DNTT: variants seen among roughly 807,000 people sequenced by gnomAD.
DNTT encodes the protein nucleosidetriphosphate:DNA deoxynucleotidylexotransferase.
Under a neutral mutation model 60.9 loss-of-function variants are expected in DNTT, and 47 were observed. That is an observed-to-expected ratio of 0.77 (90% CI 0.61 to 0.98). The LOEUF (loss-of-function observed/expected upper bound fraction) is 0.98, where lower values mean the gene tolerates loss of function less well. DNTT is among the 50% of genes least tolerant of loss of function. The pLI, the probability that DNTT is intolerant of heterozygous loss-of-function variation, is 0.00. For missense variants in DNTT, 665 were observed against 627.5 expected, an observed-to-expected ratio of 1.06 and a Z score of -0.64; for synonymous variants, 224 against 221.2, an observed-to-expected ratio of 1.01 and a Z score of -0.11.
chr10:96,319,067 AT>A (rs1012598800), intron 2 of DNTT, among the ~76,000 whole-genome samples, 194 bp from the exon 3 acceptor site: 8 of 151,258 alleles, frequency 5.3e-5, no homozygotes, highest in Non-Finnish European at 1.0e-4. Context: ...AGGTCTTTTC[AT>A]TTTTTTTTCT....
intron 6 of DNTT, among the ~76,000 whole-genome samples, 170 bp downstream of exon 6, chr10:96,324,559 T>C (rs530588787): frequency 6.6e-6 from 1 of 152,220 alleles, no homozygotes; most frequent in Admixed American, 6.5e-5. Context: ...TGTGTGATCT[T>C]GAGCAAGTTG....
intron 10 of DNTT, 115 bp downstream of exon 10, chr10:96,336,089 T>C: frequency 2.0e-6 from 2 of 1,012,686 alleles, no homozygotes; most frequent in South Asian, 2.6e-5. Context: ...GTCATGCGTG[T>C]TCTATTTCCA....
At chr10:96,318,209 G>GA (rs746884348) in intron 1 of DNTT, 143 bp from the exon 2 acceptor site, 1 of 849,224 alleles carries the variant, frequency 1.2e-6, no homozygotes, top group Non-Finnish European at 1.8e-6. Context: ...CCCTTGCATG[G>GA]AGGCCTAAAT....
intron 1 of DNTT, among the ~76,000 whole-genome samples, chr10:96,306,145 G>C (rs1844633726): frequency 6.8e-6 from 1 of 148,088 alleles, no homozygotes; most frequent in South Asian, 2.1e-4. Context: ...CCGGGTTGGA[G>C]TGCAGTGGCA....
chr10:96,331,804 G>T (rs889400461), intron 8 of DNTT, among the ~76,000 whole-genome samples: 1 of 152,080 alleles, frequency 6.6e-6, no homozygotes, highest in Admixed American at 6.6e-5. Context: ...CTGAGACAGG[G>T]TCTTGCTCTG....
intron 6 of DNTT, among the ~76,000 whole-genome samples, chr10:96,325,523 T>C (rs902115947): frequency 2.0e-5 from 3 of 152,236 alleles, no homozygotes; most frequent in Admixed American, 2.0e-4. Flanking sequence ...CCTTATCAAA[T>C]GACGTCCAGT....
At chr10:96,324,625 C>A (rs1331412739) in intron 6 of DNTT, among the ~76,000 whole-genome samples, 1 of 152,204 alleles carries the variant, frequency 6.6e-6, no homozygotes, top group Admixed American at 6.5e-5. Flanking sequence ...AACATTGATA[C>A]TTAGCTGAGA....
chr10:96,336,740 A>T (rs1845074896), intron 10 of DNTT, among the ~76,000 whole-genome samples: 1 of 152,080 alleles, frequency 6.6e-6, no homozygotes, highest in African/African-American at 2.4e-5. Flanking sequence ...TGAGGTCAGG[A>T]GTTCAAGATC....
intron 1 of DNTT, among the ~76,000 whole-genome samples, chr10:96,307,734 A>T (rs10882769): frequency 0.3 from 21,847 of 71,952 alleles, 2,523 homozygotes; most frequent in Middle Eastern, 0.45. Flanking sequence ...TATATATATA[A>T]GCATATATAT....
chr10:96,314,911 G>A (rs1227335320), intron 1 of DNTT, among the ~76,000 whole-genome samples: 3 of 152,178 alleles, frequency 2.0e-5, no homozygotes, highest in Non-Finnish European at 2.9e-5. Context: ...GCTGCCACAA[G>A]ATAGTGATAA....
intron 1 of DNTT, among the ~76,000 whole-genome samples, chr10:96,315,924 T>C (rs1211592638): frequency 6.6e-6 from 1 of 152,118 alleles, no homozygotes; most frequent in Non-Finnish European, 1.5e-5. Flanking sequence ...TGGTTATCCA[T>C]CTTCCTTTAA....
At chr10:96,328,873 G>A (rs1564874178) in intron 8 of DNTT, 43 bp downstream of exon 8, 1 of 1,574,464 alleles carries the variant, frequency 6.4e-7, no homozygotes, top group South Asian at 1.1e-5. Flanking sequence ...CAAACATTAT[G>A]TTAACACTTG....
chr10:96,319,752 A>G (rs756906266), intron 3 of DNTT, among the ~76,000 whole-genome samples: 1 of 152,254 alleles, frequency 6.6e-6, no homozygotes, highest in Non-Finnish European at 1.5e-5. Flanking sequence ...TGGTAACAAT[A>G]CATCAACAGC....
intron 1 of DNTT, among the ~76,000 whole-genome samples, chr10:96,315,489 G>A (rs1564870427): frequency 6.6e-6 from 1 of 151,982 alleles, no homozygotes; most frequent in Non-Finnish European, 1.5e-5. Context: ...TTAAATCAGA[G>A]CCTTCCTTCA....
At chr10:96,322,448 G>A (rs1012425569) in intron 4 of DNTT, among the ~76,000 whole-genome samples, 3 of 152,162 alleles carry the variant, frequency 2.0e-5, no homozygotes, top group East Asian at 3.8e-4. Flanking sequence ...CCTAAGGATC[G>A]TAAAGGGGTC....
In DNTT at chr10:96,332,395, G is replaced by C. The variant is rs766771701; in HGVS notation, c.1158G>C (p.Lys386Asn). 1 of 1,614,132 alleles carries C rather than the reference G, an allele frequency of 6.2e-7. No individual in the cohort carries two copies. The highest frequency in any genetic ancestry group is 1.1e-5 in the South Asian group (1 of 91,080). The change falls in exon 9 of 11, where the codon AAG becomes AAC. Residue 386 changes from lysine (K) to asparagine (N), a missense_variant. By Grantham distance (94) the Lys-to-Asn change is moderately conservative. Coordinates refer to ENST00000371174, the MANE Select transcript of DNTT (RefSeq NM_004088.4). ...ACCTTGTGGAGTCAACATTTGAAAA[G>C]CTCAGGTTGCCTAGCAGGAAGGTTG... ...YYDLVESTFE[K>N]LRLPSRKVDA...
chr10:96,335,700 C>G (rs1788203627), intron 9 of DNTT, among the ~76,000 whole-genome samples, 191 bp from the exon 10 acceptor site: 1 of 152,216 alleles, frequency 6.6e-6, no homozygotes, highest in African/African-American at 2.4e-5. Flanking sequence ...GGTTCCTGCT[C>G]TCACAGAGCT....
intron 5 of DNTT, among the ~76,000 whole-genome samples, chr10:96,323,066 G>A (rs1349824404): frequency 6.6e-6 from 1 of 152,174 alleles, no homozygotes; most frequent in East Asian, 1.9e-4. Context: ...AAGCACTTTG[G>A]GAGGCCAAGG....
rs1022816342 is a variant in DNTT at position 96,338,368 on chromosome 10, A to G, written c.*144A>G. 7 of 707,946 alleles carry G rather than the reference A, an allele frequency of 9.9e-6. No homozygotes were observed. The African/African-American group carries it at 1.1e-4, about 11-fold the overall frequency. The allele number at this position is 707,946 out of a possible 1,614,324, so 43.9% of individuals were successfully genotyped here. On this transcript the variant is annotated 3_prime_UTR_variant, in exon 11 of 11. Coordinates refer to ENST00000371174, the MANE Select transcript of DNTT (RefSeq NM_004088.4). ...GCTACTAGAAATAAATAACTTTGGA[A>G]ACATGGGAAGGTGCCACTGGTAATG... is the stretch of plus-strand genomic sequence containing the variant.
Sources: gnomAD v4.1 joint callset for allele counts (sites outside exome capture counted in the v4.1 genomes callset) on GRCh38, gnomAD v4.1.1 for gene constraint, MANE v1.5 for transcripts, NCBI Gene and HGNC (gene_info 2026-07-23, HGNC 2026-07-21) for gene names.